TTC3: variants seen among roughly 807,000 people sequenced by gnomAD.
The protein encoded by TTC3 is E3 ubiquitin-protein ligase TTC3.
Under a neutral mutation model 249.6 loss-of-function variants are expected in TTC3, and 180 were observed. The observed-to-expected ratio is 0.72, with a 90% CI of 0.64 to 0.82. TTC3 has a LOEUF of 0.82. TTC3 is among the 40% of genes least tolerant of loss of function. TTC3 has a pLI of 0.00. For missense variants in TTC3, 2,061 were observed against 2,398.4 expected (o/e 0.86, Z 2.94); for synonymous variants, 717 against 805.0 (o/e 0.89, Z 1.85).
intron 35 of TTC3, 28 bp from the exon 36 acceptor site, chr21:37,182,746 T>C: frequency 6.5e-7 from 1 of 1,550,116 alleles, no homozygotes; most frequent in Non-Finnish European, 8.7e-7. Context: ...TTTTGCCATT[T>C]ATTTAAGTAC....
Position 37,097,669 on chromosome 21 carries a change from T to A in TTC3, c.845+1026T>A, listed in dbSNP as rs114195617. ...GAAAGAAGTTGGGCTGTAATATTAA[T>A]TGAGTGATGGAGTAGAGAATAATCT... On this transcript the variant is annotated intron_variant, in intron 10 of 45. Transcript: ENST00000355666. Among the ~76,000 whole-genome samples, 832 of 152,292 alleles carry A rather than the reference T, an allele frequency of 5.5e-3. 7 individuals carry two copies. Among genetic ancestry groups the A allele is most frequent in the African/African-American group, 0.019 (797 of 41,568 alleles).
intron 6 of TTC3, among the ~76,000 whole-genome samples, chr21:37,090,918 G>T (rs529024675): frequency 6.6e-6 from 1 of 152,230 alleles, no homozygotes; most frequent in South Asian, 2.1e-4. Flanking sequence ...TTGGGGTAAG[G>T]ATGGAAGTCT....
intron 34 of TTC3, 23 bp downstream of exon 34, chr21:37,167,643 T>G (rs1173057383): frequency 1.3e-6 from 2 of 1,579,842 alleles, no homozygotes; most frequent in Non-Finnish European, 1.7e-6. Context: ...TACATTAAAC[T>G]GTTTAAAGGT....
At chr21:37,162,611 A>C (rs2080863616) in intron 31 of TTC3, among the ~76,000 whole-genome samples, 1 of 152,040 alleles carries the variant, frequency 6.6e-6, no homozygotes, top group African/African-American at 2.4e-5. Flanking sequence ...AAAAATGTAC[A>C]ACATGGTTTT....
chr21:37,088,068 C>T, intron 3 of TTC3, 128 bp from the exon 4 acceptor site: 1 of 993,072 alleles, frequency 1.0e-6, no homozygotes, highest in Non-Finnish European at 1.4e-6. Context: ...TAACATTTAA[C>T]AGGCTAGAAT....
In TTC3 at chr21:37,118,961, A is replaced by G. The variant is rs376060630; in HGVS notation, c.901-2856A>G. ...ATCTTTCCTTTCACCTCTTGAACACATAGGGGATAGTTATAATAAGTATTT... is the reference window on the plus strand; with the variant it reads ...ATCTTTCCTTTCACCTCTTGAACACGTAGGGGATAGTTATAATAAGTATTT... On this transcript the variant is annotated intron_variant, in intron 11 of 45. Transcript: ENST00000355666. Among the ~76,000 whole-genome samples, 6 of 152,216 alleles carry G rather than the reference A, an allele frequency of 3.9e-5. No individual in the cohort carries two copies. The East Asian group carries it at 1.2e-3, about 29-fold the overall frequency.
chr21:37,149,571 A>T (rs1020897347), intron 23 of TTC3, among the ~76,000 whole-genome samples: 5 of 152,158 alleles, frequency 3.3e-5, no homozygotes, highest in Non-Finnish European at 7.3e-5. Context: ...TTTCCCTAGG[A>T]TATGCTGAAG....
chr21:37,185,034 C>G (rs999671541), intron 36 of TTC3, among the ~76,000 whole-genome samples: 2 of 152,088 alleles, frequency 1.3e-5, no homozygotes, highest in Admixed American at 6.5e-5. Flanking sequence ...CAGAGTGTCA[C>G]CCAGTATTTG....
intron 32 of TTC3, 110 bp downstream of exon 32, chr21:37,164,325 CAA>C: frequency 9.9e-7 from 1 of 1,014,228 alleles, no homozygotes; most frequent in Non-Finnish European, 1.4e-6. Flanking sequence ...ACATTTTACA[CAA>C]AGTTAATTTA....
chr21:37,164,353 T>C (rs2081056913), intron 32 of TTC3, 138 bp downstream of exon 32: 1 of 879,120 alleles, frequency 1.1e-6, no homozygotes, highest in Admixed American at 3.3e-5. Flanking sequence ...TTTTTTTTTT[T>C]TTTGAGACAG....
At chr21:37,158,129 A>G in intron 28 of TTC3, 1 of 985,458 alleles carries the variant, frequency 1.0e-6, no homozygotes, top group Non-Finnish European at 1.2e-6. Context: ...TTATCTTTTC[A>G]GGATACTGCT....
chr21:37,181,156 CA>C (rs2082725310), intron 35 of TTC3, among the ~76,000 whole-genome samples: 1 of 152,192 alleles, frequency 6.6e-6, no homozygotes, highest in Non-Finnish European at 1.5e-5. Flanking sequence ...TTAGTACAAA[CA>C]GAAGATGAAC....
exon 7 of TTC3, chr21:37,091,346 A>G (rs1206955595): frequency 2.5e-6 from 4 of 1,611,662 alleles, no homozygotes; most frequent in Non-Finnish European, 3.4e-6. Flanking sequence ...CAGGCGATGT[A>G]ACAATTCTAA....
In TTC3 at chr21:37,195,583, G is replaced by A. The variant is rs142033150; in HGVS notation, c.5218-92G>A. The A allele has an allele frequency of 2.3e-4, 339 of 1,500,704 alleles. No individual in the cohort carries two copies. The African/African-American group carries it at 2.8e-3, about 12-fold the overall frequency. 93.0% of individuals were successfully genotyped at this position (1,500,704 alleles called of 1,614,324 possible). A position where few individuals can be genotyped will look rare whatever the true frequency, so the allele number is the denominator to read the frequency against. On this transcript the variant is annotated intron_variant, in intron 41 of 45. Coordinates refer to ENST00000355666, the Ensembl canonical transcript of TTC3. ...CCTGTGCACGGAGCCTCTGCGCTGC[G>A]TTACTGTATTTATTCATCGGCCTTT...
At chr21:37,126,774 G>T (rs1039362205) in intron 15 of TTC3, among the ~76,000 whole-genome samples, 2 of 152,104 alleles carry the variant, frequency 1.3e-5, no homozygotes, top group African/African-American at 2.4e-5. Context: ...TCTTCTTCCC[G>T]GTTCATAGAT....
At chr21:37,118,193 G>T (rs1222452048) in intron 11 of TTC3, among the ~76,000 whole-genome samples, 1 of 151,876 alleles carries the variant, frequency 6.6e-6, no homozygotes, top group Non-Finnish European at 1.5e-5. Flanking sequence ...ATCATACAGG[G>T]TATATTTACT....
chr21:37,135,621 C>T, intron 18 of TTC3, 107 bp downstream of exon 18: 2 of 1,305,374 alleles, frequency 1.5e-6, no homozygotes, highest in East Asian at 2.6e-5. Flanking sequence ...TAAGACCTTG[C>T]TGAGATTGGC....
At chr21:37,107,856 C>G (rs763078211) in intron 10 of TTC3, 1 of 152,498 alleles carries the variant, frequency 6.6e-6, no homozygotes, top group Non-Finnish European at 1.5e-5. Context: ...GAGGCCAAGG[C>G]GGGTGGATCA....
At chr21:37,093,131 A>G (rs1729793526) in intron 7 of TTC3, among the ~76,000 whole-genome samples, 1 of 152,138 alleles carries the variant, frequency 6.6e-6, no homozygotes, top group Non-Finnish European at 1.5e-5. Flanking sequence ...TAATCTCAAC[A>G]CTTTGGGAGG....
Sources: gnomAD v4.1 joint callset for allele counts (sites outside exome capture counted in the v4.1 genomes callset) on GRCh38, gnomAD v4.1.1 for gene constraint, MANE v1.5 for transcripts, NCBI Gene and HGNC (gene_info 2026-07-23, HGNC 2026-07-21) for gene names.